Variants in SERPINA12 observed in about 807,000 individuals in gnomAD.
SERPINA12 encodes serpin A12.
SERPINA12 carries 21 observed loss-of-function variants against 25.9 expected under a neutral mutation model. The observed-to-expected ratio is 0.81, with a 90% CI of 0.58 to 1.17. The LOEUF (loss-of-function observed/expected upper bound fraction) is 1.17. Ranked by LOEUF, SERPINA12 falls within the 50% of genes most tolerant of loss-of-function variation. SERPINA12 has a pLI of 0.00. For synonymous variants in SERPINA12, 220 were observed against 196.0 expected, an observed-to-expected ratio of 1.12 and a Z score of -1.02; for missense variants, 562 against 508.3, an observed-to-expected ratio of 1.11 and a Z score of -1.02.
At chr14:94,514,747 A>C (rs1901191057) in intron 2 of SERPINA12, among the ~76,000 whole-genome samples, 1 of 152,192 alleles carries the variant, frequency 6.6e-6, no homozygotes, top group Admixed American at 6.5e-5. Context: ...AGGTGGTGGC[A>C]GTTGGTGGCC....
upstream of SERPINA12, among the ~76,000 whole-genome samples, chr14:94,513,598 T>C (rs1901161736): frequency 6.6e-6 from 1 of 152,178 alleles, no homozygotes; most frequent in South Asian, 2.1e-4. Flanking sequence ...ATTAAAGTAG[T>C]GACTGTAAAA....
intron 1 of SERPINA12, among the ~76,000 whole-genome samples, chr14:94,499,847 C>G (rs1900636133): frequency 6.6e-6 from 1 of 152,172 alleles, no homozygotes; most frequent in Non-Finnish European, 1.5e-5. Flanking sequence ...TAGAATCGGT[C>G]AGTTGGTGGC....
chr14:94,494,880 C>A (rs560537293), intron 3 of SERPINA12, among the ~76,000 whole-genome samples: 2 of 152,072 alleles, frequency 1.3e-5, no homozygotes, highest in Non-Finnish European at 2.9e-5. Context: ...AACCTGGACC[C>A]CTCCTTTTGT....
intron 1 of SERPINA12, among the ~76,000 whole-genome samples, chr14:94,516,789 C>A (rs1346794591): frequency 6.6e-6 from 1 of 152,194 alleles, no homozygotes; most frequent in African/African-American, 2.4e-5. Flanking sequence ...CTCAGACCAT[C>A]CAAACCTGGT....
chr14:94,498,235 A>G lies in SERPINA12; in HGVS notation c.163T>C (p.Leu55=), dbSNP rs746961346. 4.3e-6 allele frequency: 7 copies of G among 1,614,220 alleles called. No homozygotes were observed. In the Admixed American group the frequency reaches 1.2e-4, roughly 27 times the overall value. Residue 55 remains leucine, a synonymous_variant, in exon 2 of 5, where the codon TTA becomes CTA. Transcript: ENST00000677451. ...AGCTTCTTGAGCAGCTTAAAGCCTA[A>G]GTCCATGTTCTGCCTTGCAAGCTCC... ...AKELARQNMD[L]GFKLLKKLAF...
chr14:94,498,888 T>G (rs1343570281), intron 1 of SERPINA12, among the ~76,000 whole-genome samples: 1 of 152,184 alleles, frequency 6.6e-6, no homozygotes, highest in Non-Finnish European at 1.5e-5. Context: ...TTGGGGCAGC[T>G]AGCTTTGTGA....
intron 1 of SERPINA12, chr14:94,500,986 G>A (rs1393924846): frequency 5.1e-6 from 5 of 983,572 alleles, no homozygotes; most frequent in Non-Finnish European, 6.0e-6. Context: ...CTCTGAACCT[G>A]GGTGCTCTCT....
chr14:94,498,525 G>T, intron 1 of SERPINA12, 95 bp from the exon 2 acceptor site: 2 of 1,016,118 alleles, frequency 2.0e-6, no homozygotes, highest in Non-Finnish European at 2.9e-6. Context: ...TGACTATTAT[G>T]TGTTGTACAT....
upstream of SERPINA12, chr14:94,511,531 G>T (rs1901110068): frequency 1.0e-6 from 1 of 985,392 alleles, no homozygotes. Context: ...GCTGGCTCCT[G>T]GGATGGCTCA....
chr14:94,514,441 G>T (rs572119994), upstream of SERPINA12, among the ~76,000 whole-genome samples: 1 of 152,340 alleles, frequency 6.6e-6, no homozygotes, highest in Non-Finnish European at 1.5e-5. Flanking sequence ...CCAGCCCCTG[G>T]TGGCTGTGAC....
rs116737485 is a variant in SERPINA12 at position 94,502,550 on chromosome 14, G to A, written c.-33-4120C>T. On this transcript the variant is annotated intron_variant, in intron 1 of 4. Transcript: ENST00000677451. ...ACCTAAACAGGGATAACACACACAG[G>A]CTACAGAAGGTCTACTCAGTGCACA... Among the ~76,000 whole-genome samples, 816 of 152,278 alleles carry A rather than the reference G, an allele frequency of 5.4e-3. 9 individuals carry two copies. Among genetic ancestry groups the A allele is most frequent in the African/African-American group, 0.019 (782 of 41,544 alleles).
At chr14:94,506,574 G>T (rs1900938857) in intron 1 of SERPINA12, among the ~76,000 whole-genome samples, 1 of 152,234 alleles carries the variant, frequency 6.6e-6, no homozygotes, top group Admixed American at 6.5e-5. Flanking sequence ...TGGAGAAAGT[G>T]AGTGAACAAT....
chr14:94,499,532 A>G (rs1328911593), intron 1 of SERPINA12, among the ~76,000 whole-genome samples: 1 of 152,190 alleles, frequency 6.6e-6, no homozygotes, highest in Non-Finnish European at 1.5e-5. Context: ...ACGAAGGCAG[A>G]TTTCTTTGCT....
Position 94,498,434 on chromosome 14 carries a change from AGGTCAGC to A in SERPINA12, c.-33-11_-33-5del. On this transcript the variant is annotated splice_polypyrimidine_tract_variant and splice_region_variant and intron_variant, in intron 1 of 4. Coordinates refer to ENST00000677451, the MANE Select transcript of SERPINA12 (RefSeq NM_001382267.1). ...AATATCCTGTTGAGTAGTAGACCTGAGGTCAGCAGAAAAAAAGAACATGATAACCCCA... is the reference window on the plus strand; with the variant it reads ...AATATCCTGTTGAGTAGTAGACCTGAAGAAAAAAAGAACATGATAACCCCA... 6 of 1,584,922 alleles carry A rather than the reference AGGTCAGC, an allele frequency of 3.8e-6. No homozygotes were observed. Among genetic ancestry groups the A allele is most frequent in the Admixed American group, 3.6e-5 (2 of 55,262 alleles).
intron 4 of SERPINA12, 80 bp downstream of exon 4, chr14:94,489,540 C>A: frequency 6.0e-6 from 9 of 1,505,684 alleles, no homozygotes; most frequent in Non-Finnish European, 7.2e-6. Flanking sequence ...CTCTGACAGC[C>A]ACTGTGACCC....
Position 94,496,554 on chromosome 14 carries a change from A to G in SERPINA12, c.724T>C (p.Phe242Leu), listed in dbSNP as rs753831817. The G allele has an allele frequency of 2.5e-6, 4 of 1,614,092 alleles. No individual in the cohort carries two copies. The highest frequency in any genetic ancestry group is 4.5e-5 in the East Asian group (2 of 44,886). ...CCAACTTGGTATATGCCACTACGGA[A>G]CATCATGGGCACCTTGACTGAACTG... The part of the protein sequence containing the change: ...KNSSVKVPMM[F>L]RSGIYQVGYD... Residue 242 changes from phenylalanine (F) to leucine (L), a missense_variant, in exon 3 of 5, where the codon TTC becomes CTC. Coordinates refer to ENST00000677451, the MANE Select transcript of SERPINA12 (RefSeq NM_001382267.1).
At chr14:94,499,345 C>A in intron 1 of SERPINA12, among the ~76,000 whole-genome samples, 1 of 152,176 alleles carries the variant, frequency 6.6e-6, no homozygotes, top group East Asian at 1.9e-4. Context: ...TCAGCTTTGA[C>A]ATCTTCCAAC....
chr14:94,511,030 A>G (rs1206444095), upstream of SERPINA12, among the ~76,000 whole-genome samples: 1 of 152,146 alleles, frequency 6.6e-6, no homozygotes, highest in Non-Finnish European at 1.5e-5. Context: ...AAACTCAGAA[A>G]TCACCGCTAA....
intron 3 of SERPINA12, among the ~76,000 whole-genome samples, chr14:94,491,717 G>A (rs1900187033): frequency 6.6e-6 from 1 of 152,140 alleles, no homozygotes; most frequent in South Asian, 2.1e-4. Context: ...CTAAAAAGAT[G>A]GAGTCACCAC....
Sources: gnomAD v4.1 joint callset for allele counts (sites outside exome capture counted in the v4.1 genomes callset) on GRCh38, gnomAD v4.1.1 for gene constraint, MANE v1.5 for transcripts, NCBI Gene and HGNC (gene_info 2026-07-23, HGNC 2026-07-21) for gene names.